PROS1: variants seen among roughly 807,000 people sequenced by gnomAD.
PROS1 encodes the protein protein S.
A neutral mutation model predicts 75.9 loss-of-function variants in PROS1; 29 were observed. That is an observed-to-expected ratio of 0.38 (90% confidence interval 0.28 to 0.52). The LOEUF (loss-of-function observed/expected upper bound fraction) is 0.52, where lower values mean the gene tolerates loss of function less well. Ranked by LOEUF, PROS1 falls within the 20% of genes least tolerant of loss-of-function variation. The pLI is 0.83. For synonymous variants in PROS1, 245 were observed against 280.6 expected (o/e 0.87, Z 1.27); for missense variants, 680 against 810.3 (o/e 0.84, Z 1.95).
In PROS1 at chr3:93,884,799, T is replaced by A. The variant is rs754177398; in HGVS notation, c.1421A>T (p.His474Leu). 2.5e-6 allele frequency: 4 copies of A among 1,613,844 alleles called. No individual in the cohort carries two copies. The South Asian group carries it at 4.4e-5, about 18-fold the overall frequency. The stretch of plus-strand genomic sequence containing the variant: ...GCCCTTCTCCACAGTAACCAGGCAA[T>A]GCTTATTTTGTTTTTCTTGAATAAT... ...KEIIQEKQNK[H>L]CLVTVEKGSY... Residue 474 changes from histidine to leucine, a missense_variant, in exon 12 of 15, where the codon CAT (histidine) becomes CTT (leucine). Transcript: ENST00000394236.
intron 7 of PROS1, among the ~76,000 whole-genome samples, chr3:93,899,703 T>C (rs1235190040): frequency 6.6e-6 from 1 of 152,104 alleles, no homozygotes; most frequent in East Asian, 1.9e-4. Context: ...AAAAAATATA[T>C]TGTAAAATTA....
At chr3:93,907,601 AGTTCCT>A (rs1009359795) in intron 4 of PROS1, among the ~76,000 whole-genome samples, 2 of 152,160 alleles carry the variant, frequency 1.3e-5, no homozygotes, top group Non-Finnish European at 2.9e-5. Flanking sequence ...TGCTCAGTAA[AGTTCCT>A]GTTCATCTTG....
intron 1 of PROS1, among the ~76,000 whole-genome samples, chr3:93,961,922 A>G (rs567042333): frequency 2.8e-4 from 43 of 152,230 alleles, no homozygotes; most frequent in African/African-American, 1.0e-3. Flanking sequence ...TTCTGGCTTG[A>G]ATTTTTTACG....
chr3:93,958,225 A>T (rs1559951901), intron 1 of PROS1, among the ~76,000 whole-genome samples: 1 of 152,220 alleles, frequency 6.6e-6, no homozygotes, highest in African/African-American at 2.4e-5. Context: ...ATATTTAGGT[A>T]AAAAGAATTT....
chr3:93,879,148 T>G lies in PROS1; in HGVS notation c.1644+15A>C. The stretch of plus-strand genomic sequence containing the variant: ...AAAGAAAAACAAGGCTTATATAGGT[T>G]TAGAGTTAAGTTACCTGTGATTTTT... On this transcript the variant is annotated intron_variant, in intron 13 of 14. Coordinates refer to ENST00000394236, the MANE Select transcript of PROS1 (RefSeq NM_000313.4). 1 of 1,611,664 alleles carries G rather than the reference T, an allele frequency of 6.2e-7. No individual in the cohort carries two copies. The highest frequency in any genetic ancestry group is 8.5e-7 in the Non-Finnish European group (1 of 1,178,154).
At chr3:93,963,778 C>A (rs1374656305) in intron 1 of PROS1, among the ~76,000 whole-genome samples, 2 of 152,128 alleles carry the variant, frequency 1.3e-5, no homozygotes, top group East Asian at 3.9e-4. Flanking sequence ...TCACTCATCA[C>A]CTAGGGGCTG....
chr3:93,912,267 T>C (rs1708768929), intron 3 of PROS1, among the ~76,000 whole-genome samples: 1 of 152,150 alleles, frequency 6.6e-6, no homozygotes, highest in Non-Finnish European at 1.5e-5. Context: ...TCTGACTCCA[T>C]ATCTACTACT....
intron 4 of PROS1, among the ~76,000 whole-genome samples, chr3:93,909,996 C>T (rs923940802): frequency 6.6e-6 from 1 of 152,062 alleles, no homozygotes; most frequent in African/African-American, 2.4e-5. Context: ...ATTACAAGCA[C>T]TTTAAATTAG....
intron 1 of PROS1, among the ~76,000 whole-genome samples, chr3:93,940,241 C>T (rs112492349): frequency 5.9e-5 from 9 of 152,204 alleles, no homozygotes; most frequent in Non-Finnish European, 8.8e-5. Context: ...CTCGGATTGA[C>T]GCCTTCCCAG....
chr3:93,964,271 C>T (rs1709753181), intron 1 of PROS1, among the ~76,000 whole-genome samples: 1 of 152,118 alleles, frequency 6.6e-6, no homozygotes, highest in African/African-American at 2.4e-5. Flanking sequence ...GCAAAAACAG[C>T]CATATTTTTC....
At chr3:93,892,148 G>A (rs2107148611) in intron 10 of PROS1, among the ~76,000 whole-genome samples, 1 of 152,026 alleles carries the variant, frequency 6.6e-6, no homozygotes. Flanking sequence ...TTGCCAACAT[G>A]GTGAAAACCT....
intron 13 of PROS1, 149 bp downstream of exon 13, chr3:93,879,014 T>G: frequency 1.2e-6 from 1 of 833,406 alleles, no homozygotes. Flanking sequence ...TTTTGAGTCC[T>G]TAATGATGTG....
intron 3 of PROS1, among the ~76,000 whole-genome samples, chr3:93,918,267 A>G (rs1708890234): frequency 6.6e-6 from 1 of 152,076 alleles, no homozygotes; most frequent in African/African-American, 2.4e-5. Context: ...AAACGCACCA[A>G]TCAGCGCCCT....
intron 12 of PROS1, among the ~76,000 whole-genome samples, chr3:93,882,002 G>T (rs1472527406): frequency 2.0e-5 from 3 of 152,000 alleles, no homozygotes; most frequent in African/African-American, 7.2e-5. Context: ...AAAAGACAAA[G>T]AATTCAATAA....
chr3:93,941,632 C>T (rs980409703), intron 1 of PROS1, among the ~76,000 whole-genome samples: 3 of 152,158 alleles, frequency 2.0e-5, no homozygotes, highest in African/African-American at 7.2e-5. Flanking sequence ...CTGACTCATC[C>T]CAACCCTTTT....
chr3:93,973,571 T>C, intron 1 of PROS1, 103 bp downstream of exon 1: 1 of 1,286,216 alleles, frequency 7.8e-7, no homozygotes, highest in Non-Finnish European at 1.1e-6. Context: ...ACTGGAAACT[T>C]TCTAGGAGGC....
intron 9 of PROS1, among the ~76,000 whole-genome samples, chr3:93,893,768 C>G (rs1335984709): frequency 6.6e-5 from 10 of 152,056 alleles, no homozygotes; most frequent in Admixed American, 5.9e-4. Flanking sequence ...ATTAGCTTTC[C>G]TAAAACTCCA....
At chr3:93,960,134 G>A (rs1043001372) in intron 1 of PROS1, among the ~76,000 whole-genome samples, 3 of 151,338 alleles carry the variant, frequency 2.0e-5, no homozygotes, top group East Asian at 1.9e-4. Context: ...GTGCTTCATT[G>A]AGTTTTAACT....
At chr3:93,964,118 A>G (rs1462084458) in intron 1 of PROS1, among the ~76,000 whole-genome samples, 1 of 152,206 alleles carries the variant, frequency 6.6e-6, no homozygotes, top group African/African-American at 2.4e-5. Context: ...GGCCACTATG[A>G]TAATTGTGTT....
Sources: allele counts gnomAD v4.1 joint callset (sites outside exome capture counted in the v4.1 genomes callset), GRCh38; gene constraint gnomAD v4.1.1; transcripts MANE v1.5; gene names NCBI Gene and HGNC (gene_info 2026-07-23, HGNC 2026-07-21).